PRICKLE2: variants seen among roughly 807,000 people sequenced by gnomAD.
The protein encoded by PRICKLE2 is prickle planar cell polarity protein 2, also known as prickle-like protein 2.
PRICKLE2 carries 21 observed loss-of-function variants against 81.4 expected under a neutral mutation model. The observed-to-expected ratio is 0.26, with a 90% CI of 0.18 to 0.37. The LOEUF (loss-of-function observed/expected upper bound fraction) is 0.37, where lower values mean the gene tolerates loss of function less well. Ranked by LOEUF, PRICKLE2 falls within the 10% of genes least tolerant of loss-of-function variation. PRICKLE2 has a pLI of 1.00. For missense variants in PRICKLE2, 940 were observed against 1,109.0 expected (o/e 0.85, Z 2.16); for synonymous variants, 456 against 421.5 (o/e 1.08, Z -1.00).
Position 64,099,365 on chromosome 3 carries a change from G to A in PRICKLE2, c.2221C>T (p.Arg741Trp). 6.2e-7 allele frequency: 1 copy of A among 1,612,406 alleles called. No individual in the cohort carries two copies. The highest frequency in any genetic ancestry group is 1.1e-5 in the South Asian group (1 of 91,052). The change falls in exon 8 of 8, where the codon CGG becomes TGG. Residue 741 changes from arginine to tryptophan, a missense_variant. Around this residue, in one of 2 missense-constraint regions of PRICKLE2, gnomAD observed 670 missense variants for 717.2 expected, o/e 0.93. Coordinates refer to ENST00000638394, the MANE Select transcript of PRICKLE2 (RefSeq NM_198859.4). The surrounding 1 kb of genome is among the most constrained non-coding windows in gnomAD (Gnocchi z 4.3). ...SFQESMGHGSRRDLYGQCPRT... is the reference protein window; with the variant it reads ...SFQESMGHGSWRDLYGQCPRT... ...GGGCACTGGCCGTACAGGTCCCTCCGGGACCCATGCCCCATGCTCTCCTGG... is the reference window on the plus strand; with the variant it reads ...GGGCACTGGCCGTACAGGTCCCTCCAGGACCCATGCCCCATGCTCTCCTGG...
chr3:64,176,778 C>G (rs1278299336), intron 2 of PRICKLE2, among the ~76,000 whole-genome samples: 5 of 152,212 alleles, frequency 3.3e-5, no homozygotes, highest in African/African-American at 9.7e-5. Flanking sequence ...GTATTTCTGA[C>G]TACCACGGCT....
At position 64,124,410 on chromosome 3, in the gene PRICKLE2, C is replaced by T. The variant is rs766091509; in HGVS notation, c.1660+22420G>A. 3.3e-5 allele frequency among the ~76,000 whole-genome samples: 5 copies of T among 152,178 alleles called. No homozygotes were observed. The East Asian group carries it at 5.8e-4, about 18-fold the overall frequency. On this transcript the variant is annotated intron_variant, in intron 7 of 7. Transcript: ENST00000638394. ...AAGGTCTACATAAGATCACTGATGA[C>T]GATAGCTACACTAAACAGATTTTCA...
At chr3:64,152,752 GT>G (rs1322580655) in intron 6 of PRICKLE2, among the ~76,000 whole-genome samples, 35 of 152,130 alleles carry the variant, frequency 2.3e-4, no homozygotes, top group Admixed American at 2.3e-3. Context: ...ATGGCACATA[GT>G]CCCCACTTGG....
chr3:64,197,374 C>T (rs76286521), intron 2 of PRICKLE2, among the ~76,000 whole-genome samples: 2 of 152,262 alleles, frequency 1.3e-5, no homozygotes, highest in East Asian at 1.9e-4. Context: ...TACGCTCCCA[C>T]CAACAATGTA....
Position 64,202,279 on chromosome 3 carries a change from C to CA in PRICKLE2, c.-40-3313dup, listed in dbSNP as rs138766429. 7.4e-3 allele frequency among the ~76,000 whole-genome samples: 1,117 copies of CA among 151,422 alleles called. 6 individuals carry two copies. The highest frequency in any genetic ancestry group is 0.024 in the African/African-American group (1,009 of 41,350). On this transcript the variant is annotated intron_variant, in intron 1 of 7. Transcript: ENST00000638394. Reference sequence around the variant, plus strand: ...TTTAGGATTAGTTTGTCAATTTGTGCAAAAAAAAGCCAACTAGAGTTTTGA... The same window carrying CA: ...TTTAGGATTAGTTTGTCAATTTGTGCAAAAAAAAAGCCAACTAGAGTTTTGA...
chr3:64,134,460 G>A (rs141241365), intron 7 of PRICKLE2, among the ~76,000 whole-genome samples: 1 of 152,322 alleles, frequency 6.6e-6, no homozygotes, highest in East Asian at 1.9e-4. Context: ...TCTCGGCACT[G>A]CTGGCTTATG....
chr3:64,231,967 A>T (rs181590650), intron 2 of PRICKLE2, among the ~76,000 whole-genome samples: 1 of 152,280 alleles, frequency 6.6e-6, no homozygotes, highest in Admixed American at 6.5e-5. Flanking sequence ...AAAAACAAAA[A>T]CCAGGTGTGT....
At chr3:64,157,583 T>C (rs1336986741) in intron 4 of PRICKLE2, among the ~76,000 whole-genome samples, 1 of 152,152 alleles carries the variant, frequency 6.6e-6, no homozygotes, top group South Asian at 2.1e-4. Context: ...GAGAAAGTCA[T>C]TGGGAGAATG....
intron 1 of PRICKLE2, among the ~76,000 whole-genome samples, chr3:64,222,513 C>T (rs771589478): frequency 3.3e-4 from 50 of 152,154 alleles, no homozygotes; most frequent in Non-Finnish European, 4.7e-4. Context: ...GTAGGCCCAC[C>T]GGCATGAAGG....
chr3:64,096,377 G>C lies in PRICKLE2; in HGVS notation c.*2674C>G, dbSNP rs1156729838. ...TGCCTCAGGAAATAATGCATTGGGA[G>C]TGGGATTCTGGGATGTGATGTGTGA... On this transcript the variant is annotated 3_prime_UTR_variant, in exon 8 of 8. Transcript: ENST00000638394. 6.6e-6 allele frequency: 1 copy of C among 152,184 alleles called. No homozygotes were observed. Among genetic ancestry groups the C allele is most frequent in the Non-Finnish European group, 1.5e-5 (1 of 68,036 alleles). The allele number at this position is 152,184 out of a possible 1,614,324, so 9.4% of individuals were successfully genotyped here.
chr3:64,211,408 T>C (rs1247472968), intron 1 of PRICKLE2, among the ~76,000 whole-genome samples: 1 of 152,174 alleles, frequency 6.6e-6, no homozygotes, highest in Non-Finnish European at 1.5e-5. Flanking sequence ...AATTTCAAAG[T>C]GGAGAGTTCT....
chr3:64,191,421 A>C (rs2078334291), intron 2 of PRICKLE2, among the ~76,000 whole-genome samples: 1 of 152,182 alleles, frequency 6.6e-6, no homozygotes, highest in Non-Finnish European at 1.5e-5. Context: ...CCATGGCCAG[A>C]TCAGCCCTGT....
chr3:64,240,530 T>A (rs559070745), intron 2 of PRICKLE2, among the ~76,000 whole-genome samples: 11 of 152,304 alleles, frequency 7.2e-5, no homozygotes, highest in African/African-American at 2.6e-4. Context: ...TTAAAGTCCC[T>A]GTGTGGGCTA....
In PRICKLE2 at chr3:64,166,008, G is replaced by T. The variant is rs113079790; in HGVS notation, c.145-2879C>A. Among the ~76,000 whole-genome samples the T allele has an allele frequency of 9.0e-4, 51 of 56,448 alleles. No individual in the cohort carries two copies. In the South Asian group the frequency reaches 0.013, roughly 15 times the overall value. 37.0% of individuals were successfully genotyped at this position (56,448 alleles called of 152,430 possible). A position where few individuals can be genotyped will look rare whatever the true frequency, so the allele number is the denominator to read the frequency against. ...TGTGTGTGTGTGTGTGTGTGTGTGT[G>T]TGTGTGTTTTGTTTTGTTTTTGTTT... is the stretch of plus-strand genomic sequence containing the variant. On this transcript the variant is annotated intron_variant, in intron 2 of 7. Coordinates refer to ENST00000638394, the MANE Select transcript of PRICKLE2 (RefSeq NM_198859.4).
chr3:64,191,998 C>T lies in PRICKLE2; in HGVS notation c.144+6786G>A, dbSNP rs141034929. ...CTGCCTCAGGTTTGCTAAATGCAGCCGTTGGCAAGATGTCACCCTCTCTGG... is the reference window on the plus strand; with the variant it reads ...CTGCCTCAGGTTTGCTAAATGCAGCTGTTGGCAAGATGTCACCCTCTCTGG... On this transcript the variant is annotated intron_variant, in intron 2 of 7. Coordinates refer to ENST00000638394, the MANE Select transcript of PRICKLE2 (RefSeq NM_198859.4). 4.4e-3 allele frequency among the ~76,000 whole-genome samples: 665 copies of T among 152,310 alleles called. 4 individuals are homozygous for T. Among genetic ancestry groups the T allele is most frequent in the African/African-American group, 0.015 (633 of 41,560 alleles).
intron 2 of PRICKLE2, among the ~76,000 whole-genome samples, chr3:64,257,611 C>T (rs551462343): frequency 2.6e-5 from 4 of 152,134 alleles, no homozygotes; most frequent in African/African-American, 9.7e-5. Flanking sequence ...CCAGTCCCAG[C>T]CCACTGGAAG....
At chr3:64,115,754 G>C (rs188150866) in intron 7 of PRICKLE2, among the ~76,000 whole-genome samples, 1 of 151,978 alleles carries the variant, frequency 6.6e-6, no homozygotes, top group East Asian at 1.9e-4. Context: ...ATAGTGGCAG[G>C]ATTTACAGCC....
intron 7 of PRICKLE2, among the ~76,000 whole-genome samples, chr3:64,145,011 C>G (rs1057480745): frequency 2.0e-5 from 3 of 151,452 alleles, no homozygotes; most frequent in African/African-American, 7.3e-5. Context: ...AGCACTATCA[C>G]AGAGAAAATC....
chr3:64,197,077 A>G (rs962849012), intron 2 of PRICKLE2, among the ~76,000 whole-genome samples: 6 of 152,206 alleles, frequency 3.9e-5, no homozygotes, highest in Admixed American at 1.3e-4. Context: ...CAATGAGTTT[A>G]TATTAGTATC....
Sources: gnomAD v4.1 joint callset for allele counts (sites outside exome capture counted in the v4.1 genomes callset) on GRCh38, gnomAD v4.1.1 for gene constraint, gnomAD v4.1.1 regional missense constraint, Gnocchi (gnomAD v3.1) non-coding constraint, MANE v1.5 for transcripts, NCBI Gene and HGNC (gene_info 2026-07-23, HGNC 2026-07-21) for gene names.